NRXN1: variants seen among roughly 807,000 people sequenced by gnomAD.
The protein encoded by NRXN1 is neurexin-1.
NRXN1 carries 39 observed loss-of-function variants against 150.9 expected under a neutral mutation model. The observed-to-expected ratio is 0.26, with a 90% CI of 0.20 to 0.34. The LOEUF (loss-of-function observed/expected upper bound fraction) is 0.34. NRXN1 is among the 10% of genes least tolerant of loss of function. The probability of loss-of-function intolerance (pLI) is 1.00; values close to 1 mark genes in which losing one functional copy is unlikely to be tolerated. For synonymous variants in NRXN1, 924 were observed against 757.0 expected (o/e 1.22, Z -3.62); for missense variants, 1,815 against 1,949.9 (o/e 0.93, Z 1.30).
intron 1 of NRXN1, among the ~76,000 whole-genome samples, chr2:51,031,367 G>A (rs372134253): frequency 2.2e-4 from 33 of 152,010 alleles, no homozygotes; most frequent in Admixed American, 2.6e-4. Context: ...TACGCTCATC[G>A]GCTGCAGTTG....
At chr2:50,226,811 A>C (rs1161058675) in intron 18 of NRXN1, among the ~76,000 whole-genome samples, 1 of 151,982 alleles carries the variant, frequency 6.6e-6, no homozygotes, top group African/African-American at 2.4e-5. Context: ...AAACACATTT[A>C]ATATAAACTG....
At chr2:50,563,782 T>G (rs539368997) in intron 8 of NRXN1, among the ~76,000 whole-genome samples, 1 of 152,196 alleles carries the variant, frequency 6.6e-6, no homozygotes, top group Non-Finnish European at 1.5e-5. Context: ...ATAGGACTTC[T>G]ATGCTTCCTC....
intron 5 of NRXN1, among the ~76,000 whole-genome samples, chr2:50,881,399 G>T (rs1284425122): frequency 6.6e-6 from 1 of 151,842 alleles, no homozygotes. Context: ...TTTCTGGCAT[G>T]GTCAATGTTA....
chr2:50,977,895 A>T (rs1390972824), intron 2 of NRXN1, among the ~76,000 whole-genome samples: 1 of 151,852 alleles, frequency 6.6e-6, no homozygotes, highest in Non-Finnish European at 1.5e-5. Flanking sequence ...TATCATTTTT[A>T]AAGTGTTAAT....
intron 5 of NRXN1, among the ~76,000 whole-genome samples, chr2:50,630,359 C>A (rs1428450580): frequency 6.6e-6 from 1 of 151,670 alleles, no homozygotes; most frequent in Non-Finnish European, 1.5e-5. Context: ...AAATGTTAAA[C>A]AAAGATAGGT....
intron 15 of NRXN1, among the ~76,000 whole-genome samples, chr2:50,491,511 G>C (rs778787598): frequency 6.6e-6 from 1 of 152,144 alleles, no homozygotes; most frequent in Non-Finnish European, 1.5e-5. Context: ...ATACTAGGAA[G>C]GTTGAGGAGG....
intron 5 of NRXN1, among the ~76,000 whole-genome samples, chr2:50,664,635 G>C (rs1687770508): frequency 6.6e-6 from 1 of 151,774 alleles, no homozygotes; most frequent in Non-Finnish European, 1.5e-5. Flanking sequence ...GTCCTTCACT[G>C]TCTGGGCATA....
chr2:50,244,472 C>T (rs183923014), intron 17 of NRXN1, among the ~76,000 whole-genome samples: 1 of 151,786 alleles, frequency 6.6e-6, no homozygotes, highest in Admixed American at 6.6e-5. Flanking sequence ...AAGTTATTCT[C>T]TTTTTTTTCT....
At chr2:50,239,716 T>TATATATA (rs2065835205) in intron 17 of NRXN1, among the ~76,000 whole-genome samples, 3 of 78,802 alleles carry the variant, frequency 3.8e-5, no homozygotes, top group Admixed American at 1.4e-4. Flanking sequence ...ATATATATAT[T>TATATATA]TATGACAGAA....
At chr2:49,986,152 G>T (rs1680869449) in intron 21 of NRXN1, among the ~76,000 whole-genome samples, 1 of 152,146 alleles carries the variant, frequency 6.6e-6, no homozygotes, top group Non-Finnish European at 1.5e-5. Context: ...AGATGCCACA[G>T]GGCACATATG....
intron 17 of NRXN1, among the ~76,000 whole-genome samples, chr2:50,351,452 C>G (rs2078405783): frequency 6.6e-6 from 1 of 152,062 alleles, no homozygotes; most frequent in Admixed American, 6.6e-5. Context: ...AATAAGTTAT[C>G]ACTGATGAAA....
intron 22 of NRXN1, among the ~76,000 whole-genome samples, chr2:49,930,418 C>G (rs905143672): frequency 5.8e-4 from 88 of 152,088 alleles, no homozygotes; most frequent in African/African-American, 2.0e-3. Flanking sequence ...GACAAACAAC[C>G]TAACAGAAGT....
At chr2:50,355,660 A>G (rs1365144704) in intron 17 of NRXN1, among the ~76,000 whole-genome samples, 2 of 152,172 alleles carry the variant, frequency 1.3e-5, no homozygotes, top group African/African-American at 4.8e-5. Flanking sequence ...TGTTCTATCA[A>G]ATGTTAATAT....
At chr2:50,246,153 G>A (rs900582667) in intron 17 of NRXN1, among the ~76,000 whole-genome samples, 4 of 151,920 alleles carry the variant, frequency 2.6e-5, no homozygotes, top group African/African-American at 4.8e-5. Flanking sequence ...TGAGGTATCT[G>A]CAATGCTTTA....
At chr2:50,515,598 GGGGTGT>G (rs2092604603) in intron 12 of NRXN1, among the ~76,000 whole-genome samples, 2 of 119,896 alleles carry the variant, frequency 1.7e-5, no homozygotes, top group African/African-American at 8.6e-5. Context: ...TTAAATGCTT[GGGGTGT>G]GTGTGTGTGT....
At chr2:51,005,275 C>T (rs925576186) in intron 2 of NRXN1, among the ~76,000 whole-genome samples, 29 of 151,906 alleles carry the variant, frequency 1.9e-4, no homozygotes, top group African/African-American at 6.8e-4. Flanking sequence ...AAAATCTACA[C>T]ATTTTTAAAC....
chr2:50,851,065 C>T (rs1027724864), intron 5 of NRXN1, among the ~76,000 whole-genome samples: 1 of 152,092 alleles, frequency 6.6e-6, no homozygotes, highest in Non-Finnish European at 1.5e-5. Flanking sequence ...AAAGGAACCA[C>T]CATAATAGAT....
chr2:50,984,669 T>C (rs1038736830), intron 2 of NRXN1, among the ~76,000 whole-genome samples: 1 of 152,132 alleles, frequency 6.6e-6, no homozygotes, highest in Non-Finnish European at 1.5e-5. Flanking sequence ...AAACAGTCTG[T>C]ATTAAAAGTG....
At chr2:50,481,594 T>C (rs1044539778) in intron 15 of NRXN1, among the ~76,000 whole-genome samples, 8 of 152,082 alleles carry the variant, frequency 5.3e-5, no homozygotes, top group Non-Finnish European at 8.8e-5. Flanking sequence ...CATGGCCCAA[T>C]CTAGTACAAA....
Sources: allele counts gnomAD v4.1 joint callset (sites outside exome capture counted in the v4.1 genomes callset), GRCh38; gene constraint gnomAD v4.1.1; transcripts MANE v1.5; gene names NCBI Gene and HGNC (gene_info 2026-07-23, HGNC 2026-07-21).